ZNF343: variants seen among roughly 807,000 people sequenced by gnomAD.
ZNF343 encodes zinc finger protein 343.
A neutral mutation model predicts 13.8 loss-of-function variants in ZNF343; 11 were observed. The observed-to-expected ratio is 0.80, with a 90% CI of 0.50 to 1.32. The LOEUF is 1.32. Ranked by LOEUF, ZNF343 falls within the 40% of genes most tolerant of loss-of-function variation. The pLI is 0.00. For missense variants in ZNF343, 658 were observed against 714.2 expected, an observed-to-expected ratio of 0.92 and a Z score of 0.90; for synonymous variants, 248 against 260.0, an observed-to-expected ratio of 0.95 and a Z score of 0.44.
chr20:2,504,051 G>A (rs1366761605), intron 1 of ZNF343, among the ~76,000 whole-genome samples: 5 of 152,056 alleles, frequency 3.3e-5, no homozygotes, highest in African/African-American at 7.2e-5. Context: ...CAACAAAATT[G>A]ATAGACCGCT....
At chr20:2,505,497 A>G (rs1427128993) in intron 1 of ZNF343, among the ~76,000 whole-genome samples, 1 of 152,166 alleles carries the variant, frequency 6.6e-6, no homozygotes, top group African/African-American at 2.4e-5. Context: ...AATCCTAAGC[A>G]AAAAGAACAA....
chr20:2,519,831 A>G (rs913954694), intron 1 of ZNF343, among the ~76,000 whole-genome samples: 1 of 152,198 alleles, frequency 6.6e-6, no homozygotes, highest in African/African-American at 2.4e-5. Context: ...AGTTTCACAT[A>G]TATTTAATTG....
chr20:2,503,575 C>T (rs1229585145), intron 1 of ZNF343, among the ~76,000 whole-genome samples: 10 of 152,108 alleles, frequency 6.6e-5, no homozygotes, highest in Admixed American at 6.5e-5. Flanking sequence ...CACTCCTCAG[C>T]AAATGTAAAA....
At chr20:2,523,251 G>A (rs938492812) in intron 1 of ZNF343, among the ~76,000 whole-genome samples, 2 of 152,140 alleles carry the variant, frequency 1.3e-5, no homozygotes, top group Non-Finnish European at 2.9e-5. Flanking sequence ...AGGAACCCTC[G>A]GTTCCGAGAA....
chr20:2,519,042 C>G (rs2085771833), intron 1 of ZNF343, among the ~76,000 whole-genome samples: 1 of 152,184 alleles, frequency 6.6e-6, no homozygotes, highest in African/African-American at 2.4e-5. Flanking sequence ...CTGAGGCCTA[C>G]CCAGCCATGT....
chr20:2,487,742 A>C (rs1217614086), intron 5 of ZNF343, among the ~76,000 whole-genome samples: 1 of 152,234 alleles, frequency 6.6e-6, no homozygotes, highest in African/African-American at 2.4e-5. Context: ...CATGTTGCCA[A>C]ATTTCCCTCC....
chr20:2,522,001 T>C (rs546625804), intron 1 of ZNF343, among the ~76,000 whole-genome samples: 1 of 152,326 alleles, frequency 6.6e-6, no homozygotes, highest in African/African-American at 2.4e-5. Context: ...TTGTTTAAAA[T>C]GAATAAGTTA....
rs569688199 is a variant in ZNF343 at position 2,521,349 on chromosome 20, G to T, written c.-347+3106C>A. Among the ~76,000 whole-genome samples the T allele has an allele frequency of 8.5e-5, 13 of 152,310 alleles. No homozygotes were observed. The East Asian group carries it at 2.5e-3, about 29-fold the overall frequency. On this transcript the variant is annotated intron_variant, in intron 1 of 6. Coordinates refer to the ZNF343 transcript ENST00000358413. ...ACTTCACCTCTGGGGTGAACAGTGG[G>T]GGCTTCTTCTCTGGAGTCAGATGGG... is the stretch of plus-strand genomic sequence containing the variant.
Position 2,483,474 on chromosome 20 carries a change from C to T in ZNF343, c.1487G>A (p.Arg496Lys). 6.2e-7 allele frequency: 1 copy of T among 1,611,968 alleles called. No homozygotes were observed. The highest frequency in any genetic ancestry group is 8.5e-7 in the Non-Finnish European group (1 of 1,179,432). ...CTGGCTAAAACCTCGCCTACACTCC[C>T]TGCAGACATAATGCTTCTCCCCTGA... The part of the protein sequence containing the change: ...THSGEKHYVC[R>K]ECRRGFSQKS... Residue 496 changes from arginine to lysine, a missense_variant, in exon 6 of 6, where the codon AGG (arginine) becomes AAG (lysine). Physicochemically the swap from Arg to Lys is conservative, Grantham distance 26. Coordinates refer to ENST00000278772, the MANE Select transcript of ZNF343 (RefSeq NM_024325.6).
chr20:2,490,037 A>AG (rs1047206561), intron 5 of ZNF343, among the ~76,000 whole-genome samples: 1 of 151,998 alleles, frequency 6.6e-6, no homozygotes, highest in African/African-American at 2.4e-5. Flanking sequence ...GGAAAGGGGA[A>AG]GGGGGAAAAA....
rs2085176716 is a variant in ZNF343, at chr20:2,482,270, A to C, written c.*891T>G. 6.6e-6 allele frequency: 1 copy of C among 151,254 alleles called. No homozygotes were observed. Among genetic ancestry groups the C allele is most frequent in the Admixed American group, 6.6e-5 (1 of 15,216 alleles). 9.4% of individuals were successfully genotyped at this position (151,254 alleles called of 1,614,324 possible). A position where few individuals can be genotyped will look rare whatever the true frequency, so the allele number is the denominator to read the frequency against. On this transcript the variant is annotated 3_prime_UTR_variant, in exon 6 of 6. Coordinates refer to ENST00000278772, the MANE Select transcript of ZNF343 (RefSeq NM_024325.6). ...TCTGGGGCTTACTGCGGGGTGACTC[A>C]TGGCTGAAGCCTTATCTACACTCCT...
chr20:2,502,169 C>G (rs1600068989), intron 1 of ZNF343, among the ~76,000 whole-genome samples: 1 of 152,124 alleles, frequency 6.6e-6, no homozygotes, highest in South Asian at 2.1e-4. Context: ...GACGAATGCA[C>G]AAGCCTCAGT....
intron 2 of ZNF343, among the ~76,000 whole-genome samples, chr20:2,498,359 A>G (rs1027175613): frequency 6.6e-6 from 1 of 152,270 alleles, no homozygotes; most frequent in East Asian, 1.9e-4. Flanking sequence ...TCCGTCTCCA[A>G]AAAAATAAAA....
chr20:2,493,778 C>T lies in ZNF343; in HGVS notation c.118G>A (p.Gly40Ser). 1 of 1,611,878 alleles carries T rather than the reference C, an allele frequency of 6.2e-7. No individual in the cohort carries two copies. The highest frequency in any genetic ancestry group is 8.5e-7 in the Non-Finnish European group (1 of 1,177,966). ...CTCCGGCTCCCTCAACAATTCTCAC[C>T]TTTCGCTTTATGATTTTGGGTCAAT... ...KKLTQNHKAK[G>S]LPSNDTDCPQ... The change falls in exon 3 of 6, where the codon GGC (glycine) becomes AGC (serine). Residue 40 changes from glycine to serine, a missense_variant and splice_region_variant. By Grantham distance (56) the Gly-to-Ser change is moderately conservative (BLOSUM62 0). Coordinates refer to ENST00000278772, the MANE Select transcript of ZNF343 (RefSeq NM_024325.6).
chr20:2,506,612 G>A (rs2085661829), intron 1 of ZNF343, among the ~76,000 whole-genome samples: 2 of 152,216 alleles, frequency 1.3e-5, no homozygotes, highest in Non-Finnish European at 1.5e-5. Flanking sequence ...ATACTATGCA[G>A]CCATAAAAAA....
chr20:2,486,766 T>TAA (rs879637263), intron 5 of ZNF343: 6 of 139,460 alleles, frequency 4.3e-5, no homozygotes, highest in East Asian at 4.0e-4. Flanking sequence ...AACTCCATCT[T>TAA]AAAAAAAAAA....
Position 2,486,743 on chromosome 20 carries a change from G to A in ZNF343, c.305-2087C>T, listed in dbSNP as rs561944182. Reference sequence around the variant, plus strand: ...ATTGCACGATTGCACTCTAGCCTGGGCAACAAGAGCGAAACTCCATCTTAA... The same window carrying A: ...ATTGCACGATTGCACTCTAGCCTGGACAACAAGAGCGAAACTCCATCTTAA... On this transcript the variant is annotated intron_variant, in intron 5 of 5. Transcript: ENST00000278772. 1.9e-3 allele frequency: 291 copies of A among 151,522 alleles called. 4 individuals carry two copies. Among genetic ancestry groups the A allele is most frequent in the African/African-American group, 6.8e-3 (280 of 41,180 alleles). 9.4% of individuals were successfully genotyped at this position (151,522 alleles called of 1,614,324 possible).
intron 5 of ZNF343, 149 bp from the exon 6 acceptor site, chr20:2,484,805 A>C (rs2085257571): frequency 2.9e-6 from 2 of 679,076 alleles, no homozygotes; most frequent in Non-Finnish European, 4.7e-6. Context: ...TGATTCCTTT[A>C]CATTCCATCA....
intron 2 of ZNF343, among the ~76,000 whole-genome samples, chr20:2,498,340 G>C (rs1019241663): frequency 6.6e-6 from 1 of 152,190 alleles, no homozygotes; most frequent in African/African-American, 2.4e-5. Flanking sequence ...TGCGCAAAAA[G>C]AGCAAAACTC....
Sources: gnomAD v4.1 joint callset for allele counts (sites outside exome capture counted in the v4.1 genomes callset) on GRCh38, gnomAD v4.1.1 for gene constraint, MANE v1.5 for transcripts, NCBI Gene and HGNC (gene_info 2026-07-23, HGNC 2026-07-21) for gene names.